TDRKH: variants seen among roughly 807,000 people sequenced by gnomAD.
TDRKH encodes the protein tudor and KH domain containing.
Under a neutral mutation model 61.3 loss-of-function variants are expected in TDRKH, and 28 were observed. The observed-to-expected ratio is 0.46, with a 90% CI of 0.34 to 0.63. The LOEUF is 0.63. Among genes scored for constraint, TDRKH ranks in the 20% least tolerant of loss-of-function variants. The pLI, the probability that TDRKH is intolerant of heterozygous loss-of-function variation, is 0.01. For missense variants in TDRKH, 540 were observed against 683.4 expected (o/e 0.79, Z 2.34); for synonymous variants, 219 against 244.4 (o/e 0.90, Z 0.97).
At position 151,773,568 on chromosome 1, in the gene TDRKH, C is replaced by T. The variant is rs1376550028; in HGVS notation, c.*884G>A. The T allele has an allele frequency of 2.0e-5, 3 of 152,588 alleles. No individual in the cohort carries two copies. The highest frequency in any genetic ancestry group is 7.2e-5 in the African/African-American group (3 of 41,430). The allele number at this position is 152,588 out of a possible 1,614,324, so 9.5% of individuals were successfully genotyped here. A position where few individuals can be genotyped will look rare whatever the true frequency, so the allele number is the denominator to read the frequency against. ...AGGACTGTATACTCTTCCTCTCTCT[C>T]CACGGGTGTATATGTGTGTATACAT... On this transcript the variant is annotated 3_prime_UTR_variant, in exon 13 of 13. Transcript: ENST00000368824.
intron 3 of TDRKH, among the ~76,000 whole-genome samples, chr1:151,780,501 G>C (rs1012521271): frequency 6.6e-6 from 1 of 152,170 alleles, no homozygotes; most frequent in African/African-American, 2.4e-5. Flanking sequence ...AGAAGAACCA[G>C]GTAGCCATTC....
chr1:151,785,938 A>G (rs1650271380), intron 1 of TDRKH, among the ~76,000 whole-genome samples: 1 of 152,262 alleles, frequency 6.6e-6, no homozygotes, highest in African/African-American at 2.4e-5. Context: ...AGCTGGCTTT[A>G]AATAAGATTT....
intron 6 of TDRKH, among the ~76,000 whole-genome samples, chr1:151,778,048 G>A (rs1214721887): frequency 6.6e-6 from 1 of 152,110 alleles, no homozygotes; most frequent in African/African-American, 2.4e-5. Context: ...TAACCTAAGA[G>A]GTTATAACAG....
In TDRKH at chr1:151,782,944, C is replaced by A; in HGVS notation, c.79G>T (p.Ala27Ser). ...CGGTATAGGATATAGGCAACTGTTG[C>A]ACTGGCTGGGATCCCAAGGCCCAGG... Reference protein sequence around the residue: ...IALGLGIPASATVAYILYRRY... With the variant: ...IALGLGIPASSTVAYILYRRY... The change falls in exon 2 of 13, where the codon GCA becomes TCA. Residue 27 changes from alanine to serine, a missense_variant. By Grantham distance (99) the Ala-to-Ser change is moderately conservative. This residue lies in a region of TDRKH where 156 missense variants were observed against 218.0 expected (regional missense o/e 0.72). Coordinates refer to ENST00000368824, the MANE Select transcript of TDRKH (RefSeq NM_001083965.2). 2.5e-6 allele frequency: 4 copies of A among 1,613,598 alleles called. No individual in the cohort carries two copies. Among genetic ancestry groups the A allele is most frequent in the Non-Finnish European group, 3.4e-6 (4 of 1,179,838 alleles).
At chr1:151,781,328 A>AAAATATATATAT (rs1491536697) in intron 3 of TDRKH, among the ~76,000 whole-genome samples, 153 bp downstream of exon 3, 13 of 68,582 alleles carry the variant, frequency 1.9e-4, no homozygotes, top group Non-Finnish European at 4.1e-4. Flanking sequence ...AAAAAAAAAA[A>AAAATATATATAT]ATATATATAT....
chr1:151,790,170 G>A (rs1398030182), intron 1 of TDRKH, among the ~76,000 whole-genome samples: 3 of 152,176 alleles, frequency 2.0e-5, no homozygotes, highest in South Asian at 2.1e-4. Flanking sequence ...CGGGTGACTG[G>A]AGCATCTTCC....
chr1:151,780,090 G>A lies in TDRKH; in HGVS notation c.282C>T (p.Gly94=), dbSNP rs373154310. The change falls in exon 4 of 13, where the codon GGC becomes GGT. Residue 94 remains glycine, a synonymous_variant. Transcript: ENST00000368824. ...ARIDVDTEDV[G]DERVLLISGF... Reference sequence around the variant, plus strand: ...CACTGATAAGCAGCACTCGCTCATCGCCTACATCCTCTGTGTCCACATCAA... The same window carrying A: ...CACTGATAAGCAGCACTCGCTCATCACCTACATCCTCTGTGTCCACATCAA... 93 of 1,614,120 alleles carry A rather than the reference G, an allele frequency of 5.8e-5. 1 individual carries two copies. The East Asian group carries it at 1.7e-3, about 29-fold the overall frequency.
rs2101575774 is a variant in TDRKH, at chr1:151,774,312, T to TA, written c.*139dup. 8 of 771,480 alleles carry TA rather than the reference T, an allele frequency of 1.0e-5. No individual in the cohort carries two copies. The highest frequency in any genetic ancestry group is 2.9e-4 in the Middle Eastern group (1 of 3,404). 47.8% of individuals were successfully genotyped at this position (771,480 alleles called of 1,614,324 possible). A position where few individuals can be genotyped will look rare whatever the true frequency, so the allele number is the denominator to read the frequency against. On this transcript the variant is annotated 3_prime_UTR_variant, in exon 13 of 13. Transcript: ENST00000368824. ...CTGCAGGAAAGCAGCTGCAGAGAAGTATATTAAGACAGGGCATGGGAAAGA... is the reference window on the plus strand; with the variant it reads ...CTGCAGGAAAGCAGCTGCAGAGAAGTAATATTAAGACAGGGCATGGGAAAGA...
At chr1:151,774,574 C>T in intron 12 of TDRKH, 70 bp from the exon 13 acceptor site, 1 of 1,595,030 alleles carries the variant, frequency 6.3e-7, no homozygotes, top group African/African-American at 1.3e-5. Flanking sequence ...CAGCGAGGCT[C>T]AAAAGAAAAA....
chr1:151,774,382 G>C lies in TDRKH; in HGVS notation c.*70C>G. ...CCACTGTCGCCCTCATTACTTTCCT[G>C]TTGCTACAGATAGATGATAGCTGCA... On this transcript the variant is annotated 3_prime_UTR_variant, in exon 13 of 13. Transcript: ENST00000368824. 1 of 1,556,314 alleles carries C rather than the reference G, an allele frequency of 6.4e-7. No homozygotes were observed. The highest frequency in any genetic ancestry group is 8.8e-7 in the Non-Finnish European group (1 of 1,135,416).
downstream of TDRKH, chr1:151,771,487 C>A (rs184645265): frequency 8.5e-5 from 48 of 566,514 alleles, no homozygotes; most frequent in Non-Finnish European, 1.3e-4. Context: ...TCCTCCATGC[C>A]CCAAACTATT....
At chr1:151,768,613 A>G (rs1229078257), downstream of TDRKH, among the ~76,000 whole-genome samples, 1 of 152,160 alleles carries the variant, frequency 6.6e-6, no homozygotes, top group Non-Finnish European at 1.5e-5. Context: ...AAAACGACCA[A>G]TAATATTTTT....
At chr1:151,768,146 C>T (rs1426251364), downstream of TDRKH, 3 of 1,614,062 alleles carry the variant, frequency 1.9e-6, no homozygotes, top group East Asian at 4.5e-5. Context: ...ACCTCCCAGA[C>T]CTCTGCCCAT....
At chr1:151,780,615 C>T (rs1445559830) in intron 3 of TDRKH, among the ~76,000 whole-genome samples, 3 of 152,250 alleles carry the variant, frequency 2.0e-5, no homozygotes, top group Non-Finnish European at 4.4e-5. Context: ...CTTTGGGAAG[C>T]CAAGGCGGCT....
At position 151,775,835 on chromosome 1, in the gene TDRKH, G is replaced by A. The variant is rs1389325567; in HGVS notation, c.1267C>T (p.Arg423Trp). The A allele has an allele frequency of 2.5e-6, 4 of 1,613,620 alleles. No individual in the cohort carries two copies. The highest frequency in any genetic ancestry group is 1.7e-4 in the Middle Eastern group (1 of 6,060). ...ACCAATTTACCTGAGGGAGCAATCC[G>A]TGCCAGACTACATTCTATTGCTTGA... ...PFQAIECSLA[R>W]IAPSGDQWEE... The change falls in exon 9 of 13, where the codon CGG (arginine) becomes TGG (tryptophan). Residue 423 changes from arginine to tryptophan, a missense_variant. Arg to Trp is a moderately radical substitution (Grantham distance 101). Around this residue, in one of 3 missense-constraint regions of TDRKH, gnomAD observed 379 missense variants for 443.8 expected, o/e 0.85. Coordinates refer to ENST00000368824, the MANE Select transcript of TDRKH (RefSeq NM_001083965.2).
rs1450291806 is a variant in TDRKH, at chr1:151,775,040, AC to A, written c.1536+24del. On this transcript the variant is annotated intron_variant, in intron 11 of 12. Coordinates refer to ENST00000368824, the MANE Select transcript of TDRKH (RefSeq NM_001083965.2). ...TGTGCTAGATTTGCCTGGAAGCAGC[AC>A]CCTATATAACTACAATAGCTCACCA... is the stretch of plus-strand genomic sequence containing the variant. 9.3e-6 allele frequency: 15 copies of A among 1,610,286 alleles called. No individual in the cohort carries two copies. The East Asian group carries it at 3.1e-4, about 34-fold the overall frequency.
chr1:151,784,817 T>C (rs1207551871), intron 1 of TDRKH, among the ~76,000 whole-genome samples: 2 of 152,138 alleles, frequency 1.3e-5, no homozygotes, highest in Non-Finnish European at 2.9e-5. Flanking sequence ...TTTAGGACCT[T>C]TCTCAACTGC....
intron 7 of TDRKH, 33 bp downstream of exon 7, chr1:151,776,406 T>C: frequency 6.2e-7 from 1 of 1,608,510 alleles, no homozygotes; most frequent in Non-Finnish European, 8.5e-7. Flanking sequence ...CTTCTTTTCA[T>C]TAAACCCCAG....
At chr1:151,781,450 G>T in intron 3 of TDRKH, 31 bp downstream of exon 3, 1 of 1,585,702 alleles carries the variant, frequency 6.3e-7, no homozygotes, top group Non-Finnish European at 8.6e-7. Context: ...ATCAATCCTT[G>T]GGAAAGCAGA....
Sources: gnomAD v4.1 joint callset for allele counts (sites outside exome capture counted in the v4.1 genomes callset) on GRCh38, gnomAD v4.1.1 for gene constraint, gnomAD v4.1.1 regional missense constraint, MANE v1.5 for transcripts, NCBI Gene and HGNC (gene_info 2026-07-23, HGNC 2026-07-21) for gene names.